Variants in IKZF2 observed in about 807,000 individuals in gnomAD.
IKZF2 encodes zinc finger protein Helios.
A neutral mutation model predicts 49.2 loss-of-function variants in IKZF2; 15 were observed. The ratio of observed to expected loss-of-function variants is 0.30; its 90% CI spans 0.20 to 0.47. IKZF2 has a LOEUF of 0.47. IKZF2 is among the 20% of genes least tolerant of loss of function. IKZF2 has a pLI of 1.00. For synonymous variants in IKZF2, 227 were observed against 221.4 expected (o/e 1.03, Z -0.23); for missense variants, 567 against 664.6 (o/e 0.85, Z 1.61).
chr2:213,070,251 A>G (rs1702554776), intron 4 of IKZF2, among the ~76,000 whole-genome samples: 2 of 152,184 alleles, frequency 1.3e-5, no homozygotes, highest in African/African-American at 4.8e-5. Context: ...TATTTTAACT[A>G]TGCTTAGTTA....
At chr2:213,012,189 T>A (rs1187070819) in intron 8 of IKZF2, among the ~76,000 whole-genome samples, 2 of 151,842 alleles carry the variant, frequency 1.3e-5, no homozygotes, top group African/African-American at 4.8e-5. Flanking sequence ...TAGGATAGAA[T>A]CCAAATAAAG....
chr2:213,058,688 G>T (rs1701401509), intron 4 of IKZF2, among the ~76,000 whole-genome samples: 1 of 151,614 alleles, frequency 6.6e-6, no homozygotes, highest in Non-Finnish European at 1.5e-5. Context: ...TCTTTATATT[G>T]CCAGCATGCT....
intron 4 of IKZF2, among the ~76,000 whole-genome samples, chr2:213,139,087 A>C (rs2060779435): frequency 6.6e-6 from 1 of 151,986 alleles, no homozygotes; most frequent in Non-Finnish European, 1.5e-5. Context: ...TAGGCTATAA[A>C]ATCAACATTT....
intron 6 of IKZF2, 127 bp downstream of exon 6, chr2:213,049,586 G>T: frequency 1.7e-6 from 1 of 598,180 alleles, no homozygotes; most frequent in Non-Finnish European, 2.6e-6. Flanking sequence ...ATTATTTAAT[G>T]TACACCAATA....
At chr2:213,067,199 T>A (rs1702242434) in intron 4 of IKZF2, among the ~76,000 whole-genome samples, 1 of 152,110 alleles carries the variant, frequency 6.6e-6, no homozygotes. Flanking sequence ...GTATAAACAA[T>A]ACACTTGGAA....
At chr2:213,136,067 G>GAAAGAAA (rs1402925162) in intron 4 of IKZF2, among the ~76,000 whole-genome samples, 1 of 135,144 alleles carries the variant, frequency 7.4e-6, no homozygotes, top group African/African-American at 2.8e-5. Flanking sequence ...AAAAAAGAAA[G>GAAAGAAA]AAAGAAAAAA....
intron 4 of IKZF2, among the ~76,000 whole-genome samples, chr2:213,058,500 G>A (rs916838657): frequency 4.6e-5 from 7 of 151,718 alleles, no homozygotes; most frequent in Admixed American, 3.9e-4. Flanking sequence ...TATTTCATAG[G>A]GTTTTTATGA....
intron 4 of IKZF2, among the ~76,000 whole-genome samples, chr2:213,124,250 GCGCACACACACACACACA>G (rs1161181235): frequency 4.6e-4 from 43 of 93,560 alleles, no homozygotes; most frequent in East Asian, 9.3e-4. Flanking sequence ...TCGCGCGCGC[GCGCACACACACACACACA>G]CACACACACA....
rs144911749 is a variant in IKZF2, at chr2:213,005,150, A to G, written c.*2210T>C. 46 of 139,270 alleles carry G rather than the reference A, an allele frequency of 3.3e-4. No individual in the cohort carries two copies. The highest frequency in any genetic ancestry group is 1.0e-3 in the African/African-American group (40 of 38,432). The allele number at this position is 139,270 out of a possible 1,614,324, so 8.6% of individuals were successfully genotyped here. ...AAAATTATTTACCTCATCCAAAAGG[A>G]AAAAAAATGGCATCCCAATTATTAT... On this transcript the variant is annotated 3_prime_UTR_variant, in exon 9 of 9. Transcript: ENST00000434687.
intron 6 of IKZF2, among the ~76,000 whole-genome samples, chr2:213,031,811 TTC>T (rs1698464051): frequency 6.6e-6 from 1 of 152,212 alleles, no homozygotes; most frequent in Non-Finnish European, 1.5e-5. Flanking sequence ...ATTTTTACAC[TTC>T]TGTTAAAAAT....
intron 4 of IKZF2, among the ~76,000 whole-genome samples, chr2:213,088,357 G>C (rs1431198631): frequency 6.6e-6 from 1 of 152,014 alleles, no homozygotes; most frequent in Non-Finnish European, 1.5e-5. Flanking sequence ...GGGGTTGTTT[G>C]ATTTTTTTCT....
intron 4 of IKZF2, among the ~76,000 whole-genome samples, chr2:213,107,008 A>G (rs1411683526): frequency 6.6e-6 from 1 of 152,210 alleles, no homozygotes; most frequent in African/African-American, 2.4e-5. Context: ...ATTAATTATA[A>G]TGGGGAAAAT....
At chr2:213,064,271 T>C (rs1701967333) in intron 4 of IKZF2, among the ~76,000 whole-genome samples, 1 of 152,054 alleles carries the variant, frequency 6.6e-6, no homozygotes, top group Non-Finnish European at 1.5e-5. Flanking sequence ...TTTCAGGATT[T>C]CCTTTGTGGT....
chr2:213,048,214 C>A (rs749154524), intron 6 of IKZF2, among the ~76,000 whole-genome samples: 47 of 152,120 alleles, frequency 3.1e-4, no homozygotes, highest in Non-Finnish European at 4.7e-4. Context: ...AAAATCATAA[C>A]TTGATATACT....
intron 6 of IKZF2, among the ~76,000 whole-genome samples, chr2:213,049,485 G>A (rs1700481936): frequency 6.6e-6 from 1 of 151,860 alleles, no homozygotes; most frequent in Admixed American, 6.6e-5. Flanking sequence ...CTAATATATT[G>A]AAGTAAGATA....
intron 7 of IKZF2, chr2:213,015,156 G>T (rs2125064333): frequency 6.6e-6 from 1 of 152,122 alleles, no homozygotes; most frequent in South Asian, 2.1e-4. Flanking sequence ...TACCAATTTT[G>T]AAGAAAATGA....
chr2:213,136,572 A>G, intron 4 of IKZF2, among the ~76,000 whole-genome samples: 1 of 152,074 alleles, frequency 6.6e-6, no homozygotes, highest in Non-Finnish European at 1.5e-5. Context: ...CTATAATTTT[A>G]TTGAAATTTC....
intron 5 of IKZF2, among the ~76,000 whole-genome samples, chr2:213,054,628 A>G (rs1296000894): frequency 1.3e-5 from 2 of 152,204 alleles, no homozygotes; most frequent in African/African-American, 4.8e-5. Flanking sequence ...GACAGGTATC[A>G]CAGCTTCTCC....
chr2:213,086,793 G>A (rs1704664471), intron 4 of IKZF2, among the ~76,000 whole-genome samples: 1 of 152,118 alleles, frequency 6.6e-6, no homozygotes, highest in Non-Finnish European at 1.5e-5. Flanking sequence ...AATGGGAGTG[G>A]AGGGGGGAGG....
Sources: allele counts gnomAD v4.1 joint callset (sites outside exome capture counted in the v4.1 genomes callset), GRCh38; gene constraint gnomAD v4.1.1; transcripts MANE v1.5; gene names NCBI Gene and HGNC (gene_info 2026-07-23, HGNC 2026-07-21).